The following TMPRSS2 variants were observed in gnomAD, a reference collection of about 807,000 sequenced individuals.
The protein encoded by TMPRSS2 is transmembrane serine protease 2, also known as transmembrane protease serine 2.
A neutral mutation model predicts 67.4 loss-of-function variants in TMPRSS2; 59 were observed. That is an observed-to-expected ratio of 0.88 (90% CI 0.71 to 1.09). TMPRSS2 has a LOEUF of 1.09. TMPRSS2 is among the 50% of genes least tolerant of loss of function. The pLI is 0.00. For synonymous variants in TMPRSS2, 257 were observed against 257.0 expected (o/e 1.00, Z 0.00); for missense variants, 668 against 642.7 (o/e 1.04, Z -0.43).
Position 41,473,446 on chromosome 21 carries a change from C to T in TMPRSS2, c.778G>A (p.Glu260Lys), listed in dbSNP as rs61735796. 529 of 1,610,220 alleles carry T rather than the reference C, an allele frequency of 3.3e-4. 1 individual carries two copies. The highest frequency in any genetic ancestry group is 3.2e-4 in the Non-Finnish European group (380 of 1,179,054). Residue 260 changes from glutamate to lysine, a missense_variant, in exon 9 of 14, where the codon GAG becomes AAG. By Grantham distance (56) the Glu-to-Lys change is moderately conservative. Coordinates refer to ENST00000332149, the MANE Select transcript of TMPRSS2 (RefSeq NM_005656.4). The part of the protein sequence containing the change: ...SSRQSRIVGG[E>K]SALPGAWPWQ... ...GGCCAGGCCCCCGGGAGCGCGCTCT[C>T]GCCGCCCACAATCCTGCTCTGGCGG...
At position 41,498,164 on chromosome 21, in the gene TMPRSS2, T is replaced by C. The variant is rs1409303548; in HGVS notation, c.-31A>G. On this transcript the variant is annotated 5_prime_UTR_variant, in exon 2 of 14. Coordinates refer to ENST00000332149, the MANE Select transcript of TMPRSS2 (RefSeq NM_005656.4). ...TGTTATCAACAGCATCGAGTAATGA[T>C]AGGTATCTGGAATGTTCAATATGAC... is the stretch of plus-strand genomic sequence containing the variant. The C allele has an allele frequency of 3.1e-6, 5 of 1,612,956 alleles. No individual in the cohort carries two copies. The highest frequency in any genetic ancestry group is 2.2e-5 in the East Asian group (1 of 44,872).
chr21:41,467,948 G>T, intron 12 of TMPRSS2, 62 bp from the exon 13 acceptor site: 3 of 1,600,300 alleles, frequency 1.9e-6, no homozygotes, highest in South Asian at 2.2e-5. Context: ...GCACACCACT[G>T]ACCAGGCCTA....
chr21:41,465,942 G>A lies in TMPRSS2; in HGVS notation c.*200C>T. The A allele has an allele frequency of 1.5e-6, 1 of 653,654 alleles. No homozygotes were observed. The highest frequency in any genetic ancestry group is 2.7e-6 in the Non-Finnish European group (1 of 370,456). 40.5% of individuals were successfully genotyped at this position (653,654 alleles called of 1,614,324 possible). A position where few individuals can be genotyped will look rare whatever the true frequency, so the allele number is the denominator to read the frequency against. On this transcript the variant is annotated 3_prime_UTR_variant, in exon 14 of 14. Transcript: ENST00000332149. Reference sequence around the variant, plus strand: ...CCGGCCATCACCCCTTGCGGACAAGGGGTTAGGGAGAGCAGGCTGGGCAGG... The same window carrying A: ...CCGGCCATCACCCCTTGCGGACAAGAGGTTAGGGAGAGCAGGCTGGGCAGG...
intron 3 of TMPRSS2, among the ~76,000 whole-genome samples, chr21:41,491,673 A>G (rs1259051552): frequency 5.3e-5 from 8 of 152,212 alleles, no homozygotes; most frequent in African/African-American, 1.9e-4. Flanking sequence ...ATCCAAGATA[A>G]AATAACTGGT....
At chr21:41,488,650 G>A (rs1383531465) in intron 4 of TMPRSS2, 137 bp from the exon 5 acceptor site, 23 of 1,063,800 alleles carry the variant, frequency 2.2e-5, no homozygotes, top group Admixed American at 2.4e-5. Context: ...GTTTTGTTTT[G>A]TTTTTGAGAT....
In TMPRSS2 at chr21:41,489,524, C is replaced by T. The variant is rs2146469390; in HGVS notation, c.308G>A (p.Gly103Asp). The change falls in exon 4 of 14, where the codon GGC becomes GAC. Residue 103 changes from glycine to aspartate, a missense_variant. Physicochemically the swap from Gly to Asp is moderately conservative, Grantham distance 94. Transcript: ENST00000332149. The stretch of plus-strand genomic sequence containing the variant: ...GCACTTACTGAACTTCCAGAGTAGG[C>T]CAGCGGCCAGCGCAGCTCCCACGAG... ...TFLVGAALAA[G>D]LLWKFMGSKC... 1 of 1,614,020 alleles carries T rather than the reference C, an allele frequency of 6.2e-7. No homozygotes were observed.
rs562045100 is a variant in TMPRSS2, at chr21:41,491,394, G to A, written c.239-1801C>T. Reference sequence around the variant, plus strand: ...ACTCCTGGGCCCAAGTGATCCACTCGCCTCAGCCTCTCAAAGTGCTGGGAT... The same window carrying A: ...ACTCCTGGGCCCAAGTGATCCACTCACCTCAGCCTCTCAAAGTGCTGGGAT... On this transcript the variant is annotated intron_variant, in intron 3 of 13. Coordinates refer to ENST00000332149, the MANE Select transcript of TMPRSS2 (RefSeq NM_005656.4). 9.2e-5 allele frequency among the ~76,000 whole-genome samples: 14 copies of A among 152,072 alleles called. 1 individual carries two copies. Among genetic ancestry groups the A allele is most frequent in the East Asian group, 5.8e-4 (3 of 5,152 alleles).
At chr21:41,493,212 C>T (rs1047098900) in intron 3 of TMPRSS2, among the ~76,000 whole-genome samples, 2 of 152,100 alleles carry the variant, frequency 1.3e-5, no homozygotes, top group African/African-American at 4.8e-5. Context: ...AGTGCAAACA[C>T]AAGTATCTGC....
chr21:41,493,730 T>C (rs2091356357), intron 3 of TMPRSS2, among the ~76,000 whole-genome samples: 1 of 151,980 alleles, frequency 6.6e-6, no homozygotes, highest in Non-Finnish European at 1.5e-5. Flanking sequence ...CCAAACGAAA[T>C]GGCAAAGAAA....
intron 5 of TMPRSS2, among the ~76,000 whole-genome samples, chr21:41,485,688 C>A (rs2091292295): frequency 6.6e-6 from 1 of 151,474 alleles, no homozygotes; most frequent in African/African-American, 2.4e-5. Context: ...AAGAAAAAGC[C>A]ATTCCACGTG....
At chr21:41,473,738 G>A (rs950562638) in intron 8 of TMPRSS2, among the ~76,000 whole-genome samples, 3 of 151,328 alleles carry the variant, frequency 2.0e-5, no homozygotes, top group Non-Finnish European at 4.4e-5. Flanking sequence ...GGGGTCTCCC[G>A]GGACCCAGGT....
In TMPRSS2 at chr21:41,476,593, A is replaced by G. The variant is rs2146444929; in HGVS notation, c.711T>C (p.Val237=). 6.2e-7 allele frequency: 1 copy of G among 1,612,200 alleles called. No individual in the cohort carries two copies. Among genetic ancestry groups the G allele is most frequent in the Non-Finnish European group, 8.5e-7 (1 of 1,179,738 alleles). Residue 237 remains valine (V), a synonymous_variant, in exon 8 of 14, where the codon GTT becomes GTC. Coordinates refer to ENST00000332149, the MANE Select transcript of TMPRSS2 (RefSeq NM_005656.4). The part of the protein sequence containing the change: ...HSDACSSKAV[V]SLRCIACGVN... ...TGAACTTACCTATACAGCGTAAAGA[A>G]ACCACTGCTTTTGAAGAACAGGCAT...
rs750942649 is a variant in TMPRSS2, at chr21:41,489,487, T to C, written c.325+20A>G. The C allele has an allele frequency of 6.2e-7, 1 of 1,610,716 alleles. No individual in the cohort carries two copies. The highest frequency in any genetic ancestry group is 8.5e-7 in the Non-Finnish European group (1 of 1,177,368). On this transcript the variant is annotated intron_variant, in intron 4 of 13. Transcript: ENST00000332149. ...GGGACTGCAGGAGCACATGGTGGGATCGAGGCTCCCTGCACTTACTGAACT... is the reference window on the plus strand; with the variant it reads ...GGGACTGCAGGAGCACATGGTGGGACCGAGGCTCCCTGCACTTACTGAACT...
At position 41,464,649 on chromosome 21, in the gene TMPRSS2, G is replaced by A. The variant is rs1038528579; in HGVS notation, c.*1493C>T. On this transcript the variant is annotated 3_prime_UTR_variant, in exon 14 of 14. Transcript: ENST00000332149. Reference sequence around the variant, plus strand: ...AAGATACAAAAAAAGACAAACAGTTGTTCACATAAATAAGAAGGGGCAATA... The same window carrying A: ...AAGATACAAAAAAAGACAAACAGTTATTCACATAAATAAGAAGGGGCAATA... 1 of 233,000 alleles carries A rather than the reference G, an allele frequency of 4.3e-6. No individual in the cohort carries two copies. Among genetic ancestry groups the A allele is most frequent in the Admixed American group, 5.6e-5 (1 of 17,780 alleles). The allele number at this position is 233,000 out of a possible 1,614,324, so 14.4% of individuals were successfully genotyped here.
chr21:41,482,693 C>T (rs768256860), intron 5 of TMPRSS2, among the ~76,000 whole-genome samples: 2 of 152,072 alleles, frequency 1.3e-5, no homozygotes, highest in African/African-American at 2.4e-5. Flanking sequence ...GTGAGTCGGT[C>T]ACAGGTTACA....
chr21:41,503,730 G>A (rs777145455), intron 1 of TMPRSS2, among the ~76,000 whole-genome samples: 8 of 152,188 alleles, frequency 5.3e-5, no homozygotes, highest in Non-Finnish European at 1.0e-4. Context: ...TTCAAGACTG[G>A]AGGATCATTT....
At chr21:41,472,163 C>T (rs914814652) in intron 9 of TMPRSS2, among the ~76,000 whole-genome samples, 182 bp from the exon 10 acceptor site, 1 of 151,576 alleles carries the variant, frequency 6.6e-6, no homozygotes, top group Non-Finnish European at 1.5e-5. Context: ...CCCCCAACCC[C>T]GACTCCCTGC....
intron 1 of TMPRSS2, 133 bp from the exon 2 acceptor site, chr21:41,498,322 G>A: frequency 4.9e-6 from 3 of 609,482 alleles, no homozygotes; most frequent in Non-Finnish European, 5.7e-6. Context: ...GCTGACCTTT[G>A]GCCTGCATCT....
chr21:41,495,995 T>G (rs548349124), intron 2 of TMPRSS2, among the ~76,000 whole-genome samples: 1 of 152,206 alleles, frequency 6.6e-6, no homozygotes, highest in African/African-American at 2.4e-5. Context: ...AGGTTTGGAG[T>G]TAGAATCCAT....
Sources: gnomAD v4.1 joint callset for allele counts (sites outside exome capture counted in the v4.1 genomes callset) on GRCh38, gnomAD v4.1.1 for gene constraint, MANE v1.5 for transcripts, NCBI Gene and HGNC (gene_info 2026-07-23, HGNC 2026-07-21) for gene names.